Variants in RBFOX2 observed in about 807,000 individuals in gnomAD.
The protein encoded by RBFOX2 is RNA binding protein fox-1 homolog 2.
Under a neutral mutation model 49.1 loss-of-function variants are expected in RBFOX2, and 10 were observed. That is an observed-to-expected ratio of 0.20 (90% confidence interval 0.13 to 0.35). The LOEUF (loss-of-function observed/expected upper bound fraction) is 0.35. RBFOX2 is among the 10% of genes least tolerant of loss of function. The pLI is 1.00. For missense variants in RBFOX2, 323 were observed against 486.9 expected, an observed-to-expected ratio of 0.66 and a Z score of 3.17; for synonymous variants, 183 against 187.4, an observed-to-expected ratio of 0.98 and a Z score of 0.19.
chr22:35,914,775 G>A (rs1273372013), intron 1 of RBFOX2, among the ~76,000 whole-genome samples: 1 of 152,120 alleles, frequency 6.6e-6, no homozygotes, highest in Non-Finnish European at 1.5e-5. Flanking sequence ...CCCGATCCCC[G>A]GGGGTAAACA....
chr22:35,867,069 C>G (rs998886668), intron 1 of RBFOX2, among the ~76,000 whole-genome samples: 1 of 148,592 alleles, frequency 6.7e-6, no homozygotes, highest in Admixed American at 6.6e-5. Flanking sequence ...ATTTTATATG[C>G]ACACACATGC....
chr22:36,019,024 T>C (rs911929734), intron 1 of RBFOX2, among the ~76,000 whole-genome samples: 2 of 152,078 alleles, frequency 1.3e-5, no homozygotes, highest in East Asian at 3.9e-4. Context: ...TCAATTTCCA[T>C]AGACAAAATG....
At chr22:35,760,149 G>T in intron 8 of RBFOX2, 129 bp from the exon 10 acceptor site, 1 of 1,235,028 alleles carries the variant, frequency 8.1e-7, no homozygotes, top group Non-Finnish European at 1.1e-6. Context: ...TGGAAAAGGT[G>T]GCATGCATTC....
At chr22:35,906,842 C>T (rs2049179484) in intron 1 of RBFOX2, among the ~76,000 whole-genome samples, 2 of 151,914 alleles carry the variant, frequency 1.3e-5, no homozygotes, top group South Asian at 4.2e-4. Flanking sequence ...AACAAAAAAC[C>T]AAAAAACTTT....
intron 2 of RBFOX2, among the ~76,000 whole-genome samples, chr22:35,809,434 G>C (rs1295731373): frequency 6.6e-6 from 1 of 152,120 alleles, no homozygotes; most frequent in East Asian, 1.9e-4. Flanking sequence ...GGTTTTGCTT[G>C]AGTTTGGTAG....
intron 2 of RBFOX2, among the ~76,000 whole-genome samples, chr22:35,798,824 A>G (rs1411332371): frequency 6.6e-6 from 1 of 152,180 alleles, no homozygotes; most frequent in East Asian, 1.9e-4. Flanking sequence ...GGAAAACCTT[A>G]TATTTAAGTG....
At chr22:35,782,148 G>C (rs1264314184) in intron 2 of RBFOX2, among the ~76,000 whole-genome samples, 1 of 152,114 alleles carries the variant, frequency 6.6e-6, no homozygotes. Context: ...GTTGTACTTA[G>C]TTATGGAGGT....
intron 9 of RBFOX2, among the ~76,000 whole-genome samples, chr22:35,755,672 T>C (rs1346303985): frequency 1.3e-5 from 2 of 152,290 alleles, no homozygotes; most frequent in Non-Finnish European, 1.5e-5. Flanking sequence ...TAAAGAGGGA[T>C]GTGAAATGAG....
intron 8 of RBFOX2, among the ~76,000 whole-genome samples, chr22:35,760,720 CAG>C (rs1377086300): frequency 1.3e-5 from 2 of 152,134 alleles, no homozygotes; most frequent in East Asian, 1.9e-4. Context: ...GGAAAGCATG[CAG>C]AGACATTGAT....
At chr22:35,766,597 C>T (rs1357058935) in intron 5 of RBFOX2, among the ~76,000 whole-genome samples, 2 of 151,946 alleles carry the variant, frequency 1.3e-5, no homozygotes, top group Non-Finnish European at 2.9e-5. Context: ...ATAATATAAA[C>T]GTTTCACATT....
At chr22:36,013,527 G>C (rs1334154676) in intron 1 of RBFOX2, among the ~76,000 whole-genome samples, 1 of 152,040 alleles carries the variant, frequency 6.6e-6, no homozygotes, top group Non-Finnish European at 1.5e-5. Context: ...CAGCTGTGAA[G>C]TGGAAATGCT....
At chr22:35,915,947 G>T (rs1015960450) in intron 1 of RBFOX2, among the ~76,000 whole-genome samples, 1 of 152,154 alleles carries the variant, frequency 6.6e-6, no homozygotes, top group Admixed American at 6.5e-5. Context: ...CAGAGGCTCC[G>T]TATGCCTCCT....
intron 1 of RBFOX2, among the ~76,000 whole-genome samples, chr22:35,817,107 T>C (rs144952767): frequency 1.8e-4 from 27 of 152,090 alleles, no homozygotes; most frequent in African/African-American, 6.5e-4. Context: ...TGGGAGAGAA[T>C]TATGGTTACA....
intron 1 of RBFOX2, among the ~76,000 whole-genome samples, chr22:35,839,982 A>T (rs910971831): frequency 2.0e-5 from 3 of 152,138 alleles, no homozygotes; most frequent in Non-Finnish European, 2.9e-5. Context: ...TCTGCTATGG[A>T]GTTGAGGGAG....
In RBFOX2 at chr22:35,896,984, T is replaced by C. The variant is rs886925191; in HGVS notation, c.-34+41863A>G. Among the ~76,000 whole-genome samples the C allele has an allele frequency of 3.9e-5, 6 of 152,372 alleles. No individual in the cohort carries two copies. The East Asian group carries it at 9.6e-4, about 24-fold the overall frequency. On this transcript the variant is annotated intron_variant, in intron 1 of 13. Transcript: ENST00000359369. The stretch of plus-strand genomic sequence containing the variant: ...TACACAACTTTCCTCTCTAGTTACA[T>C]GGCTCATGCCCTAAATCTTAAGTCA...
At chr22:35,852,383 GACTGGGTAC>G (rs1365319031) in intron 1 of RBFOX2, among the ~76,000 whole-genome samples, 1 of 150,982 alleles carries the variant, frequency 6.6e-6, no homozygotes, top group Non-Finnish European at 1.5e-5. Flanking sequence ...AATAACAAAA[GACTGGGTAC>G]AGCAGCATGT....
upstream of RBFOX2, among the ~76,000 whole-genome samples, chr22:35,842,645 C>T (rs867342960): frequency 3.3e-5 from 5 of 152,050 alleles, no homozygotes; most frequent in Admixed American, 6.6e-5. Context: ...GTTTATTACA[C>T]TATTCTTGAC....
Position 35,933,926 on chromosome 22 carries a change from TTATATATATATATATA to T in RBFOX2, c.-34+4905_-34+4920del, listed in dbSNP as rs3075245. 5.7e-3 allele frequency among the ~76,000 whole-genome samples: 678 copies of T among 118,008 alleles called. 19 individuals are homozygous for T. The highest frequency in any genetic ancestry group is 0.024 in the African/African-American group (603 of 25,446). 77.4% of individuals were successfully genotyped at this position (118,008 alleles called of 152,430 possible). Reference sequence around the variant, plus strand: ...GTTCTTATAATTATATAATTAAATGTTATATATATATATATATATATATATATACACACATCAATGA... The same window carrying T: ...GTTCTTATAATTATATAATTAAATGTTATATATATATACACACATCAATGA... On this transcript the variant is annotated intron_variant, in intron 1 of 13. Coordinates refer to the RBFOX2 transcript ENST00000359369.
At chr22:36,003,923 C>T (rs1386993958) in intron 1 of RBFOX2, among the ~76,000 whole-genome samples, 2 of 152,216 alleles carry the variant, frequency 1.3e-5, no homozygotes, top group Non-Finnish European at 2.9e-5. Flanking sequence ...TCAACCTCAG[C>T]ATTACTGACA....
Sources: gnomAD v4.1 joint callset for allele counts (sites outside exome capture counted in the v4.1 genomes callset) on GRCh38, gnomAD v4.1.1 for gene constraint, MANE v1.5 for transcripts, NCBI Gene and HGNC (gene_info 2026-07-23, HGNC 2026-07-21) for gene names.